TENM2: variants seen among roughly 807,000 people sequenced by gnomAD.
The protein encoded by TENM2 is teneurin transmembrane protein 2.
A neutral mutation model predicts 245.2 loss-of-function variants in TENM2; 52 were observed. The ratio of observed to expected loss-of-function variants is 0.21; its 90% CI spans 0.17 to 0.27. The LOEUF is 0.27. TENM2 is among the 10% of genes least tolerant of loss of function. The probability of loss-of-function intolerance (pLI) is 1.00; values close to 1 mark genes in which losing one functional copy is unlikely to be tolerated. For missense variants in TENM2, 3,046 were observed against 3,666.8 expected (o/e 0.83, Z 4.37); for synonymous variants, 1,363 against 1,438.9 (o/e 0.95, Z 1.19).
chr5:167,210,941 A>G, the TENM2 span, among the ~76,000 whole-genome samples: 7 of 152,290 alleles, frequency 4.6e-5, no homozygotes, highest in East Asian at 1.4e-3. Context: ...GGAGTTTACT[A>G]TCTAGTAATC....
intron 3 of TENM2, among the ~76,000 whole-genome samples, chr5:167,951,617 T>A (rs903683552): frequency 6.6e-6 from 1 of 152,086 alleles, no homozygotes; most frequent in African/African-American, 2.4e-5. Context: ...ATTTTGTTAT[T>A]TAAAAAAACG....
the TENM2 span, among the ~76,000 whole-genome samples, chr5:167,276,216 G>T: frequency 1.3e-5 from 2 of 151,788 alleles, no homozygotes; most frequent in East Asian, 3.9e-4. Context: ...AGTCATGAGG[G>T]TAATAAGTAG....
At chr5:168,061,586 C>T (rs1047503184) in intron 6 of TENM2, among the ~76,000 whole-genome samples, 1 of 152,092 alleles carries the variant, frequency 6.6e-6, no homozygotes, top group Non-Finnish European at 1.5e-5. Context: ...TTCAAGTCTT[C>T]ATTTTCTACT....
chr5:167,411,584 G>A (rs1406562026), intron 2 of TENM2, among the ~76,000 whole-genome samples: 1 of 149,840 alleles, frequency 6.7e-6, no homozygotes, highest in Non-Finnish European at 1.5e-5. Context: ...GTGTGTGTGT[G>A]TGTGTGTGTG....
chr5:167,049,607 TG>T, the TENM2 span, among the ~76,000 whole-genome samples: 1 of 152,328 alleles, frequency 6.6e-6, no homozygotes, highest in African/African-American at 2.4e-5. Flanking sequence ...AATGATTTTT[TG>T]AAACAAAAAT....
the TENM2 span, among the ~76,000 whole-genome samples, chr5:167,139,695 A>T: frequency 6.6e-6 from 1 of 152,228 alleles, no homozygotes; most frequent in Non-Finnish European, 1.5e-5. Context: ...TATGCAATTC[A>T]TATATGTATA....
chr5:167,252,333 T>C, the TENM2 span, among the ~76,000 whole-genome samples: 1 of 152,176 alleles, frequency 6.6e-6, no homozygotes. Context: ...TGATGAAATC[T>C]TGTTTGTTAA....
At chr5:167,469,186 T>C (rs1189152603) in intron 2 of TENM2, among the ~76,000 whole-genome samples, 1 of 152,130 alleles carries the variant, frequency 6.6e-6, no homozygotes, top group Non-Finnish European at 1.5e-5. Context: ...GATAAGAAGA[T>C]CATCAAACTA....
At chr5:167,752,261 ATTTTTTT>A (rs575290973) in intron 2 of TENM2, among the ~76,000 whole-genome samples, 17,107 of 123,298 alleles carry the variant, frequency 0.14, 1,713 homozygotes, top group East Asian at 0.57. Context: ...TGCCCAGCTA[ATTTTTTT>A]TTTTTTTTTT....
chr5:167,387,746 G>T (rs544244971), intron 2 of TENM2, among the ~76,000 whole-genome samples: 17 of 151,994 alleles, frequency 1.1e-4, no homozygotes, highest in Admixed American at 2.0e-4. Context: ...GGGTTTTTTC[G>T]AATGTTTTTT....
At chr5:168,023,697 A>T (rs965393036) in intron 5 of TENM2, among the ~76,000 whole-genome samples, 2 of 152,228 alleles carry the variant, frequency 1.3e-5, no homozygotes, top group African/African-American at 4.8e-5. Flanking sequence ...GTTTAATTAA[A>T]TTGTATGCAG....
chr5:168,127,433 G>A (rs1270978057), intron 12 of TENM2, among the ~76,000 whole-genome samples: 1 of 152,122 alleles, frequency 6.6e-6, no homozygotes, highest in Non-Finnish European at 1.5e-5. Flanking sequence ...CCACGGTAAG[G>A]TCCTGAGATT....
chr5:167,644,046 T>A (rs913301717), intron 2 of TENM2, among the ~76,000 whole-genome samples: 1 of 152,184 alleles, frequency 6.6e-6, no homozygotes, highest in Admixed American at 6.5e-5. Context: ...CTTTGCTGCA[T>A]GCAATATAGT....
the TENM2 span, among the ~76,000 whole-genome samples, chr5:167,171,031 T>A: frequency 7.9e-5 from 12 of 152,264 alleles, no homozygotes; most frequent in South Asian, 1.9e-3. Flanking sequence ...CTGTCGTGGG[T>A]CTTTGTAGCT....
the TENM2 span, among the ~76,000 whole-genome samples, chr5:167,163,953 C>T: frequency 6.6e-6 from 1 of 152,188 alleles, no homozygotes; most frequent in Admixed American, 6.5e-5. Context: ...CTCCATGAGC[C>T]TTCACCTACC....
the TENM2 span, among the ~76,000 whole-genome samples, chr5:167,186,368 G>T: frequency 1.3e-5 from 2 of 152,148 alleles, no homozygotes; most frequent in African/African-American, 4.8e-5. Context: ...TTGGAGTTTG[G>T]GGGTGAAAAA....
chr5:167,127,914 A>G, the TENM2 span, among the ~76,000 whole-genome samples: 1 of 152,116 alleles, frequency 6.6e-6, no homozygotes, highest in Admixed American at 6.5e-5. Flanking sequence ...CTGAAACACT[A>G]ATAGGACCAC....
chr5:167,567,958 A>G (rs964801475), intron 2 of TENM2, among the ~76,000 whole-genome samples: 2 of 142,132 alleles, frequency 1.4e-5, no homozygotes, highest in African/African-American at 5.2e-5. Context: ...TACTCAAAGG[A>G]ATAGCAATAT....
intron 2 of TENM2, among the ~76,000 whole-genome samples, chr5:167,570,365 C>T (rs1774188129): frequency 3.1e-5 from 1 of 31,774 alleles, no homozygotes; most frequent in Admixed American, 4.4e-4. Flanking sequence ...TTCAGAGTGG[C>T]ATTTTAAGAA....
Sources: gnomAD v4.1 joint callset for allele counts (sites outside exome capture counted in the v4.1 genomes callset) on GRCh38, gnomAD v4.1.1 for gene constraint, MANE v1.5 for transcripts, NCBI Gene and HGNC (gene_info 2026-07-23, HGNC 2026-07-21) for gene names.